BACH2: variants seen among roughly 807,000 people sequenced by gnomAD.
The protein encoded by BACH2 is BACH transcriptional regulator 2, also known as transcription regulator protein BACH2.
A neutral mutation model predicts 61.8 loss-of-function variants in BACH2; 5 were observed. The observed-to-expected ratio is 0.08, with a 90% CI of 0.04 to 0.17. The LOEUF is 0.17. Ranked by LOEUF, BACH2 falls within the 10% of genes least tolerant of loss-of-function variation. The pLI, the probability that BACH2 is intolerant of heterozygous loss-of-function variation, is 1.00. For synonymous variants in BACH2, 446 were observed against 440.1 expected, an observed-to-expected ratio of 1.01 and a Z score of -0.17; for missense variants, 824 against 1,091.1, an observed-to-expected ratio of 0.76 and a Z score of 3.45.
At chr6:90,019,568 T>C (rs1189410772) in intron 5 of BACH2, among the ~76,000 whole-genome samples, 1 of 152,004 alleles carries the variant, frequency 6.6e-6, no homozygotes, top group Non-Finnish European at 1.5e-5. Context: ...ATAAAAGAAA[T>C]ATACCTGATT....
intron 6 of BACH2, among the ~76,000 whole-genome samples, chr6:89,968,152 C>T (rs1164755597): frequency 6.6e-6 from 1 of 152,192 alleles, no homozygotes; most frequent in African/African-American, 2.4e-5. Flanking sequence ...CTGTGGAGGA[C>T]AGGGAAGATG....
At chr6:90,289,877 G>C (rs1444029929) in intron 1 of BACH2, among the ~76,000 whole-genome samples, 1 of 152,176 alleles carries the variant, frequency 6.6e-6, no homozygotes, top group Non-Finnish European at 1.5e-5. Context: ...AGCTGACTGG[G>C]AGAGAATATC....
At chr6:90,026,832 G>A (rs1405006897) in intron 5 of BACH2, among the ~76,000 whole-genome samples, 3 of 152,148 alleles carry the variant, frequency 2.0e-5, no homozygotes, top group Non-Finnish European at 4.4e-5. Flanking sequence ...GGGTCTTTTG[G>A]ACAAAATGAT....
intron 4 of BACH2, among the ~76,000 whole-genome samples, chr6:90,112,112 G>C (rs1024530183): frequency 6.6e-6 from 1 of 152,186 alleles, no homozygotes. Flanking sequence ...TTTTTCTGCA[G>C]ATCAAACAAG....
At chr6:90,086,536 A>G (rs1171951187) in intron 5 of BACH2, among the ~76,000 whole-genome samples, 1 of 152,072 alleles carries the variant, frequency 6.6e-6, no homozygotes, top group Non-Finnish European at 1.5e-5. Context: ...TCTGCCCCAC[A>G]AGATTCAGTT....
intron 6 of BACH2, among the ~76,000 whole-genome samples, chr6:89,998,160 A>C (rs115581327): frequency 8.5e-6 from 1 of 117,814 alleles, no homozygotes; most frequent in Non-Finnish European, 1.9e-5. Flanking sequence ...CATTGGCTAA[A>C]TCCCAGCATT....
At chr6:90,050,153 A>C (rs1302457995) in intron 5 of BACH2, among the ~76,000 whole-genome samples, 1 of 152,228 alleles carries the variant, frequency 6.6e-6, no homozygotes, top group African/African-American at 2.4e-5. Flanking sequence ...TAACATTAAT[A>C]GGTGATTTTT....
At chr6:90,273,276 C>T (rs991123515) in intron 1 of BACH2, among the ~76,000 whole-genome samples, 5 of 152,056 alleles carry the variant, frequency 3.3e-5, no homozygotes, top group Admixed American at 6.6e-5. Flanking sequence ...AAGGATCACT[C>T]GAGCCCAGGA....
intron 5 of BACH2, among the ~76,000 whole-genome samples, chr6:90,014,263 T>G (rs1245624601): frequency 6.6e-6 from 1 of 150,956 alleles, no homozygotes; most frequent in African/African-American, 2.4e-5. Flanking sequence ...TCTTCTTCTT[T>G]AATTTTCTAA....
chr6:89,938,415 CA>C, intron 7 of BACH2, 65 bp from the exon 8 acceptor site: 4 of 1,413,988 alleles, frequency 2.8e-6, no homozygotes, highest in South Asian at 2.5e-5. Flanking sequence ...GGCGGAACAT[CA>C]AAAATGATAA....
intron 4 of BACH2, among the ~76,000 whole-genome samples, chr6:90,170,032 A>G (rs1490149677): frequency 6.6e-6 from 1 of 152,130 alleles, no homozygotes; most frequent in Non-Finnish European, 1.5e-5. Flanking sequence ...ATTTCTATTC[A>G]TTTACTTTCT....
rs1777520740 is a variant in BACH2 at position 90,008,244 on chromosome 6, T to C, written c.243+358A>G. ...TCTTTTACTCTCAAGGGAAATCTAG[T>C]GATCCTTACACCATCTGAAAGACAG... On this transcript the variant is annotated intron_variant, in intron 6 of 8. Transcript: ENST00000257749. This position sits in a 1 kb window ranked among gnomAD's most constrained non-coding sequence, Gnocchi z 4.1. 1 of 212,892 alleles carries C rather than the reference T, an allele frequency of 4.7e-6. No individual in the cohort carries two copies. Among genetic ancestry groups the C allele is most frequent in the African/African-American group, 2.3e-5 (1 of 43,880 alleles). 13.2% of individuals were successfully genotyped at this position (212,892 alleles called of 1,614,324 possible).
At chr6:90,148,953 C>G (rs1279820156) in intron 4 of BACH2, among the ~76,000 whole-genome samples, 1 of 152,172 alleles carries the variant, frequency 6.6e-6, no homozygotes, top group African/African-American at 2.4e-5. Context: ...CTGCTTCTCT[C>G]ATTTGAGAGA....
At chr6:90,276,946 C>A (rs991410411) in intron 1 of BACH2, among the ~76,000 whole-genome samples, 2 of 152,130 alleles carry the variant, frequency 1.3e-5, no homozygotes, top group Non-Finnish European at 2.9e-5. Context: ...TATTTTCATC[C>A]TCCCTTGAAA....
intron 5 of BACH2, among the ~76,000 whole-genome samples, chr6:90,016,223 G>A (rs1004844533): frequency 2.6e-5 from 4 of 152,166 alleles, no homozygotes; most frequent in Admixed American, 6.5e-5. Context: ...ATCTGAAAAC[G>A]TCTGAGTTTT....
chr6:90,114,862 T>C (rs1052246591), intron 4 of BACH2, among the ~76,000 whole-genome samples: 15 of 152,082 alleles, frequency 9.9e-5, no homozygotes, highest in African/African-American at 3.6e-4. Flanking sequence ...AGCATTCCTA[T>C]ACACCAACAA....
At chr6:90,164,291 C>T (rs576255478) in intron 4 of BACH2, among the ~76,000 whole-genome samples, 75 of 152,286 alleles carry the variant, frequency 4.9e-4, no homozygotes, top group Admixed American at 1.5e-3. Flanking sequence ...AACATCTCTA[C>T]GCAAAAAACT....
Position 90,252,508 on chromosome 6 carries a change from C to T in BACH2, c.-275+5G>A, listed in dbSNP as rs998338259. On this transcript the variant is annotated splice_donor_5th_base_variant and intron_variant, in intron 3 of 8. Transcript: ENST00000257749. ...TTAGTCTCTTTCCTTAAAAGTAAAA[C>T]TTACAATGATCAGAAAGCATGCTTT... The T allele has an allele frequency of 6.6e-6, 1 of 152,110 alleles. No homozygotes were observed. Among genetic ancestry groups the T allele is most frequent in the African/African-American group, 2.4e-5 (1 of 41,430 alleles). The allele number at this position is 152,110 out of a possible 1,614,324, so 9.4% of individuals were successfully genotyped here.
At chr6:89,958,728 G>A (rs1009034868) in intron 6 of BACH2, among the ~76,000 whole-genome samples, 1 of 152,148 alleles carries the variant, frequency 6.6e-6, no homozygotes, top group African/African-American at 2.4e-5. Flanking sequence ...AGGCTACTTA[G>A]AGGAGGTAAC....
Sources: gnomAD v4.1 joint callset for allele counts (sites outside exome capture counted in the v4.1 genomes callset) on GRCh38, gnomAD v4.1.1 for gene constraint, Gnocchi (gnomAD v3.1) non-coding constraint, MANE v1.5 for transcripts, NCBI Gene and HGNC (gene_info 2026-07-23, HGNC 2026-07-21) for gene names.